ELL3: variants seen among roughly 807,000 people sequenced by gnomAD.
The protein encoded by ELL3 is RNA polymerase II elongation factor ELL3.
In ELL3, 48 loss-of-function variants were observed where a neutral mutation model predicts 58.5. The observed-to-expected ratio is 0.82, with a 90% CI of 0.65 to 1.04. ELL3 has a LOEUF of 1.04. Among genes scored for constraint, ELL3 ranks in the 50% least tolerant of loss-of-function variants. The pLI is 0.00. For synonymous variants in ELL3, 174 were observed against 173.2 expected, an observed-to-expected ratio of 1.00 and a Z score of -0.04; for missense variants, 458 against 478.4, an observed-to-expected ratio of 0.96 and a Z score of 0.40.
Position 43,773,304 on chromosome 15 carries a change from C to T in ELL3, c.1083G>A (p.Lys361=). Reference sequence around the variant, plus strand: ...CTTCCGTTCCCAGACCTTGTCTTACCTTCCTGAACTTTTTATATTCCTGGA... The same window carrying T: ...CTTCCGTTCCCAGACCTTGTCTTACTTTCCTGAACTTTTTATATTCCTGGA... ...KIIQEYKKFR[K]QYPSYREEKR... Residue 361 remains lysine, a splice_region_variant and synonymous_variant, in exon 10 of 11, where the codon AAG becomes AAA. Coordinates refer to ENST00000319359, the MANE Select transcript of ELL3 (RefSeq NM_025165.3). 2 of 1,614,116 alleles carry T rather than the reference C, an allele frequency of 1.2e-6. No individual in the cohort carries two copies. Among genetic ancestry groups the T allele is most frequent in the Non-Finnish European group, 1.7e-6 (2 of 1,180,016 alleles).
chr15:43,774,919 G>T, intron 6 of ELL3, 146 bp from the exon 7 acceptor site: 1 of 887,622 alleles, frequency 1.1e-6, no homozygotes, highest in Non-Finnish European at 1.6e-6. Context: ...GATCGCTTGA[G>T]CCCAAGATTT....
At chr15:43,775,452 C>A (rs1247304865) in intron 5 of ELL3, 71 bp from the exon 6 acceptor site, 17 of 1,608,062 alleles carry the variant, frequency 1.1e-5, no homozygotes, top group Non-Finnish European at 1.4e-5. Context: ...TTTATTACAA[C>A]ATTTAAGAGT....
chr15:43,774,471 C>T lies in ELL3; in HGVS notation c.866+5G>A, dbSNP rs1221834754. On this transcript the variant is annotated splice_donor_5th_base_variant and intron_variant, in intron 8 of 10. Transcript: ENST00000319359. Reference sequence around the variant, plus strand: ...TGATGAAATTGGAAAAAGCAAGGAACTCACAGGAGGTAGTCTGGTATATCT... The same window carrying T: ...TGATGAAATTGGAAAAAGCAAGGAATTCACAGGAGGTAGTCTGGTATATCT... 9 of 1,614,010 alleles carry T rather than the reference C, an allele frequency of 5.6e-6. No individual in the cohort carries two copies. Among genetic ancestry groups the T allele is most frequent in the African/African-American group, 1.3e-5 (1 of 74,904 alleles).
chr15:43,773,021 A>G lies in ELL3; in HGVS notation c.*95T>C. ...GCCACCATGGACTCCAGTGGTCAGC[A>G]TAAGAAAAGCAGATAGTTGCATTCT... is the stretch of plus-strand genomic sequence containing the variant. On this transcript the variant is annotated 3_prime_UTR_variant, in exon 11 of 11. Transcript: ENST00000319359. The G allele has an allele frequency of 8.3e-7, 1 of 1,203,294 alleles. No individual in the cohort carries two copies. Among genetic ancestry groups the G allele is most frequent in the East Asian group, 2.3e-5 (1 of 42,758 alleles). 74.5% of individuals were successfully genotyped at this position (1,203,294 alleles called of 1,614,324 possible).
In ELL3 at chr15:43,776,799, G is replaced by T. The variant is rs1238405180; in HGVS notation, c.103C>A (p.Arg35=). Residue 35 remains arginine, a synonymous_variant, in exon 1 of 11, where the codon CGG becomes AGG. Coordinates refer to ENST00000319359, the MANE Select transcript of ELL3 (RefSeq NM_025165.3). ...TGCCGCTGACACTCTTGCAGCGCCC[G>T]CAGGGCAGCGTCGTTGAGCCTGAGC... is the stretch of plus-strand genomic sequence containing the variant. ...LLLRLNDAAL[R]ALQECQRQQV... 3.1e-6 allele frequency: 5 copies of T among 1,609,698 alleles called. No homozygotes were observed. The highest frequency in any genetic ancestry group is 1.1e-5 in the South Asian group (1 of 90,644).
chr15:43,776,682 C>T, intron 1 of ELL3, 88 bp downstream of exon 1: 2 of 1,552,012 alleles, frequency 1.3e-6, no homozygotes, highest in African/African-American at 1.3e-5. Flanking sequence ...GGAAGCCGCT[C>T]CCTCTCCCCT....
In ELL3 at chr15:43,774,488, G is replaced by C. The variant is rs145559217; in HGVS notation, c.854C>G (p.Pro285Arg). ...DSESPSPEDI[P>R]DYLLQYRAIH... is the part of the protein sequence containing the mutation. ...GCAAGGAACTCACAGGAGGTAGTCTGGTATATCTTCAGGACTTGGGGATTC... is the reference window on the plus strand; with the variant it reads ...GCAAGGAACTCACAGGAGGTAGTCTCGTATATCTTCAGGACTTGGGGATTC... The change falls in exon 8 of 11, where the codon CCA becomes CGA. Residue 285 changes from proline (P) to arginine (R), a missense_variant. Transcript: ENST00000319359. 2.2e-5 allele frequency: 36 copies of C among 1,614,030 alleles called. No individual in the cohort carries two copies. The highest frequency in any genetic ancestry group is 3.1e-5 in the Non-Finnish European group (36 of 1,180,032).
At chr15:43,774,956 G>C (rs547778810) in intron 6 of ELL3, among the ~76,000 whole-genome samples, 183 bp from the exon 7 acceptor site, 1 of 152,062 alleles carries the variant, frequency 6.6e-6, no homozygotes, top group East Asian at 1.9e-4. Context: ...AACATAGTGA[G>C]ACCCTATCTC....
At chr15:43,773,803 ACCAGCCTGG>A (rs1378102160) in intron 9 of ELL3, among the ~76,000 whole-genome samples, 3 of 152,022 alleles carry the variant, frequency 2.0e-5, no homozygotes, top group African/African-American at 4.8e-5. Flanking sequence ...GGAGTTCAAG[ACCAGCCTGG>A]CCAACATGGT....
In ELL3 at chr15:43,776,785, C is replaced by G; in HGVS notation, c.117G>C (p.Glu39Asp). ...CCGGCCGTACCTGTTGCCGCTGACACTCTTGCAGCGCCCGCAGGGCAGCGT... is the reference window on the plus strand; with the variant it reads ...CCGGCCGTACCTGTTGCCGCTGACAGTCTTGCAGCGCCCGCAGGGCAGCGT... ...LNDAALRALQ[E>D]CQRQQVRPVI... Residue 39 changes from glutamate to aspartate, a missense_variant, in exon 1 of 11, where the codon GAG (glutamate) becomes GAC (aspartate). Physicochemically the swap from Glu to Asp is conservative, Grantham distance 45. Coordinates refer to ENST00000319359, the MANE Select transcript of ELL3 (RefSeq NM_025165.3). The G allele has an allele frequency of 1.2e-6, 2 of 1,608,818 alleles. No homozygotes were observed. Among genetic ancestry groups the G allele is most frequent in the East Asian group, 2.2e-5 (1 of 44,740 alleles).
At position 43,774,666 on chromosome 15, in the gene ELL3, C is replaced by G. The variant is rs140262572; in HGVS notation, c.753G>C (p.Glu251Asp). 271 of 1,614,176 alleles carry G rather than the reference C, an allele frequency of 1.7e-4. No homozygotes were observed. In the East Asian group the frequency reaches 5.9e-3, roughly 35 times the overall value. Residue 251 changes from glutamate (E) to aspartate (D), a missense_variant, in exon 7 of 11, where the codon GAG (glutamate) becomes GAC (aspartate). Physicochemically the swap from Glu to Asp is conservative, Grantham distance 45 (BLOSUM62 2). Transcript: ENST00000319359. Reference sequence around the variant, plus strand: ...CATCTTCTTGCTCCCAATCTTCTCCCTCTTGTAAATCCTGATTGGTCAGGC... The same window carrying G: ...CATCTTCTTGCTCCCAATCTTCTCCGTCTTGTAAATCCTGATTGGTCAGGC... ...LQGLTNQDLQ[E>D]GEDWEQEDED...
chr15:43,775,554 TGAG>T lies in ELL3; in HGVS notation c.537_539del (p.Ser180del). 6.2e-7 allele frequency: 1 copy of T among 1,613,850 alleles called. No homozygotes were observed. Among genetic ancestry groups the T allele is most frequent in the East Asian group, 2.2e-5 (1 of 44,872 alleles). ...CTTCCCACTGTGCCATGTGCTCCCT[TGAG>T]GATCCTGGGAGTGACTGTCCTTGGT... On this transcript the variant is annotated inframe_deletion, in exon 5 of 11. Coordinates refer to ENST00000319359, the MANE Select transcript of ELL3 (RefSeq NM_025165.3).
Position 43,776,877 on chromosome 15 carries a change from TCA to T in ELL3, c.23_24del (p.Leu8GlnfsTer15), listed in dbSNP as rs2141663462. The T allele has an allele frequency of 6.2e-7, 1 of 1,611,684 alleles. No individual in the cohort carries two copies. The highest frequency in any genetic ancestry group is 2.2e-5 in the East Asian group (1 of 44,864). ...GTGAAGCAGAGCCGGAGCTGTCCTCTCAGAGGCTCCTGGAGCTCCTCCATGGC... is the reference window on the plus strand; with the variant it reads ...GTGAAGCAGAGCCGGAGCTGTCCTCTGAGGCTCCTGGAGCTCCTCCATGGC... Reference protein sequence around the residue: MEELQEPLRGQLRLCFTQ... With the variant: MEELQEPXRGQLRLCFTQ... On this transcript the variant is annotated frameshift_variant, in exon 1 of 11. Coordinates refer to ENST00000319359, the MANE Select transcript of ELL3 (RefSeq NM_025165.3). LOFTEE classifies it high-confidence loss of function.
chr15:43,774,074 G>T (rs1252661759), intron 9 of ELL3, 108 bp downstream of exon 9: 6 of 1,409,412 alleles, frequency 4.3e-6, no homozygotes, highest in Non-Finnish European at 5.8e-6. Context: ...CTTCAAACAG[G>T]TTTCCTTGTC....
chr15:43,772,990 C>T lies in ELL3; in HGVS notation c.*126G>A, dbSNP rs1208329137. 2 of 898,358 alleles carry T rather than the reference C, an allele frequency of 2.2e-6. No homozygotes were observed. Among genetic ancestry groups the T allele is most frequent in the Non-Finnish European group, 3.4e-6 (2 of 583,194 alleles). 55.6% of individuals were successfully genotyped at this position (898,358 alleles called of 1,614,324 possible). ...AACCTCAAGAACCTAGAGCAGCTCT[C>T]TACTTGCCACCATGGACTCCAGTGG... On this transcript the variant is annotated 3_prime_UTR_variant, in exon 11 of 11. Transcript: ENST00000319359.
chr15:43,775,605 T>A lies in ELL3; in HGVS notation c.489A>T (p.Ser163=), dbSNP rs1230664798. 1 of 1,614,236 alleles carries A rather than the reference T, an allele frequency of 6.2e-7. No homozygotes were observed. Among genetic ancestry groups the A allele is most frequent in the Admixed American group, 1.7e-5 (1 of 60,020 alleles). The change falls in exon 5 of 11, where the codon TCA becomes TCT. Residue 163 remains serine, a synonymous_variant. Coordinates refer to ENST00000319359, the MANE Select transcript of ELL3 (RefSeq NM_025165.3). ...SQPQMALEEV[S]VSDPLASNQG... is the part of the protein sequence containing the mutation. The stretch of plus-strand genomic sequence containing the variant: ...GGTTGCTTGCCAGTGGATCTGACAC[T>A]GACACCTGGTGGGGAAAGTGGCAGG...
At position 43,776,766 on chromosome 15, in the gene ELL3, G is replaced by C. The variant is rs370465476; in HGVS notation, c.132+4C>G. 1.2e-6 allele frequency: 2 copies of C among 1,601,044 alleles called. No individual in the cohort carries two copies. Among genetic ancestry groups the C allele is most frequent in the Non-Finnish European group, 1.7e-6 (2 of 1,171,470 alleles). ...TGACTAGAGAAGAAGGGGGCCGGCC[G>C]TACCTGTTGCCGCTGACACTCTTGC... On this transcript the variant is annotated splice_donor_region_variant and intron_variant, in intron 1 of 10. Transcript: ENST00000319359.
rs1182551512 is a variant in ELL3, at chr15:43,776,882, G to A, written c.20C>T (p.Pro7Leu). 1.2e-6 allele frequency: 2 copies of A among 1,611,350 alleles called. No homozygotes were observed. The highest frequency in any genetic ancestry group is 2.2e-5 in the South Asian group (2 of 90,814). Reference sequence around the variant, plus strand: ...GCAGAGCCGGAGCTGTCCTCTCAGAGGCTCCTGGAGCTCCTCCATGGCGAC... The same window carrying A: ...GCAGAGCCGGAGCTGTCCTCTCAGAAGCTCCTGGAGCTCCTCCATGGCGAC... MEELQEPLRGQLRLCFT... is the reference protein window; with the variant it reads MEELQELLRGQLRLCFT... Residue 7 changes from proline to leucine, a missense_variant, in exon 1 of 11, where the codon CCT (proline) becomes CTT (leucine). Pro to Leu is a moderately conservative substitution (Grantham distance 98). Coordinates refer to ENST00000319359, the MANE Select transcript of ELL3 (RefSeq NM_025165.3).
Position 43,775,311 on chromosome 15 carries a change from C to T in ELL3, c.640G>A (p.Asp214Asn). 1 of 1,611,584 alleles carries T rather than the reference C, an allele frequency of 6.2e-7. No homozygotes were observed. Among genetic ancestry groups the T allele is most frequent in the Non-Finnish European group, 8.5e-7 (1 of 1,178,324 alleles). Residue 214 changes from aspartate to asparagine, a missense_variant, in exon 6 of 11, where the codon GAC (aspartate) becomes AAC (asparagine). By Grantham distance (23) the Asp-to-Asn change is conservative. Transcript: ENST00000319359. Reference sequence around the variant, plus strand: ...CCCTTGCCATTCTAACTTACCTTGTCCAGACGTTTCCGGCTGGCAGAGGAA... The same window carrying T: ...CCCTTGCCATTCTAACTTACCTTGTTCAGACGTTTCCGGCTGGCAGAGGAA... ...LPSSASRKRL[D>N]KKRSVPVATV...
Sources: gnomAD v4.1 joint callset for allele counts (sites outside exome capture counted in the v4.1 genomes callset) on GRCh38, gnomAD v4.1.1 for gene constraint, MANE v1.5 for transcripts, NCBI Gene and HGNC (gene_info 2026-07-23, HGNC 2026-07-21) for gene names.